RGS20: variants seen among roughly 807,000 people sequenced by gnomAD.
RGS20 encodes the protein regulator of G protein signaling 20.
RGS20 carries 30 observed loss-of-function variants against 33.6 expected under a neutral mutation model. The observed-to-expected ratio is 0.89, with a 90% confidence interval of 0.67 to 1.21. The LOEUF is 1.21. Among genes scored for constraint, RGS20 ranks in the 50% most tolerant of loss-of-function variants. The probability of loss-of-function intolerance (pLI) is 0.00; values close to 1 mark genes in which losing one functional copy is unlikely to be tolerated. For synonymous variants in RGS20, 208 were observed against 197.9 expected, an observed-to-expected ratio of 1.05 and a Z score of -0.43; for missense variants, 472 against 502.4, an observed-to-expected ratio of 0.94 and a Z score of 0.58.
intron 2 of RGS20, among the ~76,000 whole-genome samples, chr8:53,895,398 C>T (rs1006839282): frequency 1.3e-5 from 2 of 152,160 alleles, no homozygotes; most frequent in Admixed American, 6.5e-5. Flanking sequence ...ATTCGTTAGG[C>T]TCTGATGATG....
At position 53,879,266 on chromosome 8, in the gene RGS20, G is replaced by T. The variant is rs773621508; in HGVS notation, c.174G>T (p.Pro58=). Residue 58 remains proline, a synonymous_variant, in exon 2 of 6, where the codon CCG becomes CCT. Coordinates refer to ENST00000297313, the MANE Select transcript of RGS20 (RefSeq NM_170587.4). The stretch of plus-strand genomic sequence containing the variant: ...CTCTCTCCCCACCCCAGTCCTTCCC[G>T]CCTGCACAGCTCCCAGACTCGCCCG... The T allele has an allele frequency of 2.5e-6, 4 of 1,613,546 alleles. No individual in the cohort carries two copies. The highest frequency in any genetic ancestry group is 1.1e-5 in the South Asian group (1 of 91,074).
At chr8:53,955,026 T>C (rs1402467331) in intron 5 of RGS20, among the ~76,000 whole-genome samples, 1 of 151,068 alleles carries the variant, frequency 6.6e-6, no homozygotes, top group Non-Finnish European at 1.5e-5. Flanking sequence ...ATGCACAAAA[T>C]TTTTCACCAA....
chr8:53,928,313 C>T (rs2129288142), intron 2 of RGS20, among the ~76,000 whole-genome samples: 1 of 152,288 alleles, frequency 6.6e-6, no homozygotes, highest in South Asian at 2.1e-4. Context: ...CCACCAAACA[C>T]TCCAACATTT....
intron 3 of RGS20, among the ~76,000 whole-genome samples, chr8:53,944,473 G>A (rs1212168037): frequency 6.6e-6 from 1 of 151,854 alleles, no homozygotes; most frequent in African/African-American, 2.4e-5. Flanking sequence ...GGGAGGCGGA[G>A]GTTGTAGGGA....
At chr8:53,943,879 AT>A (rs201330640) in intron 3 of RGS20, among the ~76,000 whole-genome samples, 11 of 151,214 alleles carry the variant, frequency 7.3e-5, no homozygotes, top group South Asian at 4.2e-4. Flanking sequence ...TTTTGGTTGG[AT>A]TTTTTTTTAA....
intron 2 of RGS20, among the ~76,000 whole-genome samples, chr8:53,923,412 T>C (rs1297362478): frequency 6.6e-6 from 1 of 152,014 alleles, no homozygotes; most frequent in Non-Finnish European, 1.5e-5. Context: ...CTGGGCAACA[T>C]ACTGAGACCC....
chr8:53,934,542 CACA>C lies in RGS20; in HGVS notation c.511-5029_511-5027del, dbSNP rs1445942218. On this transcript the variant is annotated intron_variant, in intron 2 of 5. Transcript: ENST00000297313. The stretch of plus-strand genomic sequence containing the variant: ...CATTACATAATGGTAAAGGGATCAA[CACA>C]ACAAGAAGAGATAACTATCCTAAAC... Among the ~76,000 whole-genome samples, 3 of 152,020 alleles carry C rather than the reference CACA, an allele frequency of 2.0e-5. No individual in the cohort carries two copies. In the East Asian group the frequency reaches 5.8e-4, roughly 29 times the overall value.
At chr8:53,881,189 A>T (rs1585881508) in intron 2 of RGS20, 105 bp downstream of exon 1, 1 of 815,448 alleles carries the variant, frequency 1.2e-6, no homozygotes, top group Non-Finnish European at 1.8e-6. Context: ...GCTCGTCCGG[A>T]CCTCAGGGTG....
intron 4 of RGS20, 141 bp from the exon 4 acceptor site, chr8:53,953,935 C>A: frequency 1.4e-6 from 1 of 694,428 alleles, no homozygotes; most frequent in Non-Finnish European, 2.6e-6. Flanking sequence ...GAAATGCGAA[C>A]AGTTCTTTCC....
chr8:53,852,044 A>G lies in RGS20; in HGVS notation c.145A>G (p.Arg49Gly), dbSNP rs776794341. ...AATCACAGAAAATGAAGGAGACCTC[A>G]GGGCTGTTCCTGATATCAAGGTAAG... The change falls in exon 1 of 6, where the codon AGG becomes GGG. Residue 49 changes from arginine to glycine, a missense_variant. By Grantham distance (125) the Arg-to-Gly change is moderately radical (BLOSUM62 -2). Around this residue, in one of 3 missense-constraint regions of RGS20, gnomAD observed 319 missense variants for 283.4 expected, o/e 1.13. Coordinates refer to ENST00000297313, the MANE Select transcript of RGS20 (RefSeq NM_170587.4). The G allele has an allele frequency of 6.2e-7, 1 of 1,612,660 alleles. No homozygotes were observed. Among genetic ancestry groups the G allele is most frequent in the South Asian group, 1.1e-5 (1 of 90,806 alleles).
chr8:53,947,229 T>C (rs957431255), intron 4 of RGS20, among the ~76,000 whole-genome samples: 19 of 140,876 alleles, frequency 1.3e-4, no homozygotes, highest in African/African-American at 4.1e-4. Context: ...TATTTATACA[T>C]GCTATATAAG....
chr8:53,959,276 G>T lies in RGS20; in HGVS notation c.*818G>T, dbSNP rs1157931225. On this transcript the variant is annotated 3_prime_UTR_variant, in exon 6 of 6. Coordinates refer to ENST00000297313, the MANE Select transcript of RGS20 (RefSeq NM_170587.4). Reference sequence around the variant, plus strand: ...AATATGGGCATTTTCATTCTTTAAAGAAATAAAGCACAAGAATTTTATCTC... The same window carrying T: ...AATATGGGCATTTTCATTCTTTAAATAAATAAAGCACAAGAATTTTATCTC... 1.3e-5 allele frequency: 2 copies of T among 152,044 alleles called. No homozygotes were observed. Among genetic ancestry groups the T allele is most frequent in the African/African-American group, 2.4e-5 (1 of 41,390 alleles). 9.4% of individuals were successfully genotyped at this position (152,044 alleles called of 1,614,324 possible).
intron 5 of RGS20, among the ~76,000 whole-genome samples, chr8:53,957,735 C>T (rs1395496075): frequency 3.3e-5 from 5 of 152,248 alleles, no homozygotes; most frequent in Non-Finnish European, 7.3e-5. Context: ...GAACCGCTCT[C>T]ACAAGCCCTC....
At chr8:53,873,176 T>G (rs965464030) in intron 1 of RGS20, among the ~76,000 whole-genome samples, 1 of 152,178 alleles carries the variant, frequency 6.6e-6, no homozygotes, top group Admixed American at 6.5e-5. Flanking sequence ...TGCTCCCACT[T>G]CGTCATCTAC....
intron 3 of RGS20, among the ~76,000 whole-genome samples, chr8:53,942,390 T>G (rs1814325418): frequency 6.6e-6 from 1 of 150,540 alleles, no homozygotes; most frequent in Non-Finnish European, 1.5e-5. Context: ...CCCAGGGAGG[T>G]TGAGGCTGCA....
chr8:53,904,678 G>T (rs779463883), intron 2 of RGS20, among the ~76,000 whole-genome samples: 18 of 152,142 alleles, frequency 1.2e-4, no homozygotes, highest in Admixed American at 1.1e-3. Flanking sequence ...TTTCAGAGGT[G>T]CCCTGGGCCA....
chr8:53,926,709 C>T (rs1467581412), intron 2 of RGS20, among the ~76,000 whole-genome samples: 1 of 151,994 alleles, frequency 6.6e-6, no homozygotes, highest in East Asian at 1.9e-4. Flanking sequence ...GTCAGGAATT[C>T]GACACCAGCC....
At chr8:53,879,711 G>C in intron 2 of RGS20, 1 of 995,632 alleles carries the variant, frequency 1.0e-6, no homozygotes, top group Non-Finnish European at 1.4e-6. Context: ...CTAGCAGTAG[G>C]GAGGGTGGCA....
intron 2 of RGS20, among the ~76,000 whole-genome samples, chr8:53,903,894 T>A (rs1277645502): frequency 6.6e-6 from 1 of 152,092 alleles, no homozygotes; most frequent in Non-Finnish European, 1.5e-5. Context: ...CTGGGAGACC[T>A]CCACCATTAT....
Sources: gnomAD v4.1 joint callset for allele counts (sites outside exome capture counted in the v4.1 genomes callset) on GRCh38, gnomAD v4.1.1 for gene constraint, gnomAD v4.1.1 regional missense constraint, MANE v1.5 for transcripts, NCBI Gene and HGNC (gene_info 2026-07-23, HGNC 2026-07-21) for gene names.